The following WDR89 variants were observed in gnomAD, a reference collection of about 807,000 sequenced individuals.
WDR89 encodes WD repeat domain 89.
Under a neutral mutation model 29.1 loss-of-function variants are expected in WDR89, and 17 were observed. The ratio of observed to expected loss-of-function variants is 0.58; its 90% CI spans 0.40 to 0.88. The LOEUF (loss-of-function observed/expected upper bound fraction) is 0.88. WDR89 is among the 40% of genes least tolerant of loss of function. WDR89 has a pLI of 0.00. For synonymous variants in WDR89, 138 were observed against 157.8 expected, an observed-to-expected ratio of 0.87 and a Z score of 0.94; for missense variants, 396 against 456.3, an observed-to-expected ratio of 0.87 and a Z score of 1.20.
intron 2 of WDR89, among the ~76,000 whole-genome samples, chr14:63,623,197 CAAAAAAAAAAA>C (rs35075730): frequency 1.4e-5 from 1 of 71,750 alleles, no homozygotes; most frequent in African/African-American, 4.2e-5. Flanking sequence ...AACCAGGTCT[CAAAAAAAAAAA>C]AAAAAAAAAT....
chr14:63,633,807 G>C (rs1384759440), intron 1 of WDR89, among the ~76,000 whole-genome samples: 1 of 152,028 alleles, frequency 6.6e-6, no homozygotes, highest in Non-Finnish European at 1.5e-5. Flanking sequence ...GAACTATCCA[G>C]AAAAAAACGG....
At position 63,630,499 on chromosome 14, in the gene WDR89, C is replaced by A. The variant is rs779720748; in HGVS notation, c.-137-5466G>T. Among the ~76,000 whole-genome samples, 5 of 151,816 alleles carry A rather than the reference C, an allele frequency of 3.3e-5. No individual in the cohort carries two copies. In the South Asian group the frequency reaches 8.3e-4, roughly 25 times the overall value. Reference sequence around the variant, plus strand: ...CTCTACTAAAAATTACAAAAATTAGCCGGGATGGTGGCCCACGCCTGTAAT... The same window carrying A: ...CTCTACTAAAAATTACAAAAATTAGACGGGATGGTGGCCCACGCCTGTAAT... On this transcript the variant is annotated intron_variant, in intron 1 of 2. Transcript: ENST00000620954.
At chr14:63,638,689 G>A (rs565542699) in intron 1 of WDR89, among the ~76,000 whole-genome samples, 158 of 152,262 alleles carry the variant, frequency 1.0e-3, no homozygotes, top group African/African-American at 3.4e-3. Context: ...AAAAATTGGC[G>A]AAGCTCCAAC....
At chr14:63,626,462 A>G (rs1883055260) in intron 1 of WDR89, among the ~76,000 whole-genome samples, 1 of 151,692 alleles carries the variant, frequency 6.6e-6, no homozygotes, top group Non-Finnish European at 1.5e-5. Context: ...CGATCACATG[A>G]GCTCAAGAGT....
intron 2 of WDR89, among the ~76,000 whole-genome samples, chr14:63,618,315 T>C (rs985077664): frequency 6.6e-6 from 1 of 152,054 alleles, no homozygotes; most frequent in African/African-American, 2.4e-5. Flanking sequence ...CCACCATGCC[T>C]GGCTAATTTT....
At chr14:63,600,251 T>C (rs924059316) in intron 2 of WDR89, among the ~76,000 whole-genome samples, 2 of 152,154 alleles carry the variant, frequency 1.3e-5, no homozygotes, top group East Asian at 3.9e-4. Context: ...CTCAGCACTT[T>C]GGGAGGCTGA....
intron 2 of WDR89, among the ~76,000 whole-genome samples, chr14:63,606,443 G>T (rs530749186): frequency 1.3e-5 from 2 of 152,174 alleles, no homozygotes; most frequent in East Asian, 3.9e-4. Flanking sequence ...GCTCTCTACA[G>T]GTATACCATT....
At chr14:63,615,216 G>A (rs963386378) in intron 2 of WDR89, among the ~76,000 whole-genome samples, 1 of 152,078 alleles carries the variant, frequency 6.6e-6, no homozygotes, top group Admixed American at 6.6e-5. Flanking sequence ...CACCCTTTAC[G>A]GTAATTCCAC....
chr14:63,624,154 G>A (rs1487130883), intron 2 of WDR89, among the ~76,000 whole-genome samples: 2 of 152,042 alleles, frequency 1.3e-5, no homozygotes, highest in Non-Finnish European at 2.9e-5. Context: ...TGTAAAACCT[G>A]CTTTTGAACA....
intron 2 of WDR89, among the ~76,000 whole-genome samples, chr14:63,615,623 C>G (rs1323129537): frequency 6.6e-6 from 1 of 152,120 alleles, no homozygotes; most frequent in Non-Finnish European, 1.5e-5. Flanking sequence ...TTAAGAATTA[C>G]CCTACTCAAG....
At chr14:63,632,540 C>T (rs1422881831) in intron 1 of WDR89, among the ~76,000 whole-genome samples, 3 of 151,716 alleles carry the variant, frequency 2.0e-5, no homozygotes, top group East Asian at 2.0e-4. Flanking sequence ...GGCTAAGGCA[C>T]GAGAATCAAT....
At chr14:63,613,665 C>G (rs1249633962) in intron 2 of WDR89, among the ~76,000 whole-genome samples, 2 of 151,728 alleles carry the variant, frequency 1.3e-5, no homozygotes, top group African/African-American at 4.8e-5. Flanking sequence ...ACCATCCCAG[C>G]TAATTTTTGT....
intron 1 of WDR89, among the ~76,000 whole-genome samples, chr14:63,631,786 T>C (rs1237115986): frequency 2.6e-5 from 4 of 152,120 alleles, no homozygotes; most frequent in African/African-American, 4.8e-5. Flanking sequence ...AGGCTGATTC[T>C]TGCATTGGAT....
At chr14:63,627,150 ACT>A (rs35230660) in intron 1 of WDR89, among the ~76,000 whole-genome samples, 55,203 of 125,802 alleles carry the variant, frequency 0.44, 11,261 homozygotes, top group Admixed American at 0.52. Context: ...ACACACACAC[ACT>A]CTCTCTCTCT....
intron 2 of WDR89, 55 bp downstream of exon 2, chr14:63,624,873 C>A (rs1321991296): frequency 6.6e-6 from 1 of 152,150 alleles, no homozygotes; most frequent in Admixed American, 6.6e-5. Flanking sequence ...TAAAATGTTA[C>A]AGCCACTTTG....
At chr14:63,615,302 A>G (rs974315327) in intron 2 of WDR89, among the ~76,000 whole-genome samples, 4 of 152,240 alleles carry the variant, frequency 2.6e-5, no homozygotes, top group African/African-American at 9.6e-5. Context: ...TTAACCAAAC[A>G]GAGAAACCAA....
At chr14:63,622,506 AG>A (rs1460380267) in intron 2 of WDR89, among the ~76,000 whole-genome samples, 1 of 152,112 alleles carries the variant, frequency 6.6e-6, no homozygotes, top group Non-Finnish European at 1.5e-5. Flanking sequence ...GCTTGAACCC[AG>A]GGGGTGGAGG....
At chr14:63,628,522 CT>C (rs1195504688) in intron 1 of WDR89, among the ~76,000 whole-genome samples, 1 of 152,128 alleles carries the variant, frequency 6.6e-6, no homozygotes, top group African/African-American at 2.4e-5. Context: ...GGGTCAAGAT[CT>C]TTTAGATAAG....
chr14:63,614,363 A>G (rs577888995), intron 2 of WDR89, among the ~76,000 whole-genome samples: 1 of 147,492 alleles, frequency 6.8e-6, no homozygotes, highest in Admixed American at 6.9e-5. Flanking sequence ...GCTGGAGTGC[A>G]GTGGTGCAAT....
Sources: gnomAD v4.1 joint callset for allele counts (sites outside exome capture counted in the v4.1 genomes callset) on GRCh38, gnomAD v4.1.1 for gene constraint, MANE v1.5 for transcripts, NCBI Gene and HGNC (gene_info 2026-07-23, HGNC 2026-07-21) for gene names.